The following CDH13 variants were observed in gnomAD, a reference collection of about 807,000 sequenced individuals.
CDH13 encodes cadherin 13.
Under a neutral mutation model 63.8 loss-of-function variants are expected in CDH13, and 24 were observed. The observed-to-expected ratio is 0.38, with a 90% CI of 0.27 to 0.53. The LOEUF is 0.53. CDH13 is among the 20% of genes least tolerant of loss of function. CDH13 has a pLI of 0.85. For missense variants in CDH13, 1,049 were observed against 903.1 expected (o/e 1.16, Z -2.07); for synonymous variants, 503 against 355.3 (o/e 1.42, Z -4.67).
At chr16:83,294,484 CTA>C (rs961491039) in intron 5 of CDH13, among the ~76,000 whole-genome samples, 1 of 152,100 alleles carries the variant, frequency 6.6e-6, no homozygotes, top group African/African-American at 2.4e-5. Flanking sequence ...GGGAATGAGA[CTA>C]TGTGGTATTT....
intron 8 of CDH13, among the ~76,000 whole-genome samples, chr16:83,622,429 A>C (rs1378390216): frequency 6.6e-6 from 1 of 152,240 alleles, no homozygotes; most frequent in African/African-American, 2.4e-5. Context: ...TCGGACGAGA[A>C]AGTCAAAAAA....
chr16:82,904,604 A>G (rs1009578323), intron 2 of CDH13, among the ~76,000 whole-genome samples: 1 of 152,214 alleles, frequency 6.6e-6, no homozygotes, highest in Admixed American at 6.5e-5. Flanking sequence ...AAAGGGAGTG[A>G]TGTATGGAGA....
chr16:83,184,182 T>G (rs2038441204), intron 4 of CDH13, among the ~76,000 whole-genome samples: 1 of 151,634 alleles, frequency 6.6e-6, no homozygotes, highest in South Asian at 2.1e-4. Flanking sequence ...AATAGCTGTT[T>G]CCAAATCTGG....
intron 11 of CDH13, among the ~76,000 whole-genome samples, chr16:83,775,126 C>A (rs1217798225): frequency 6.6e-6 from 1 of 151,680 alleles, no homozygotes; most frequent in Non-Finnish European, 1.5e-5. Flanking sequence ...AATGCTTGCT[C>A]TAGAGAAGGA....
intron 2 of CDH13, among the ~76,000 whole-genome samples, chr16:82,871,012 C>G (rs1189522389): frequency 2.6e-5 from 4 of 152,194 alleles, no homozygotes; most frequent in Non-Finnish European, 4.4e-5. Context: ...ACTATTACTC[C>G]TAAGACTGTT....
At position 83,788,393 on chromosome 16, in the gene CDH13, A is replaced by T. The variant is rs573908417; in HGVS notation, c.2134+4921A>T. ...CAAAGCCCAGTGTTTGGTTATTTTT[A>T]TACAATATTTTTATAATAATACACA... On this transcript the variant is annotated intron_variant, in intron 13 of 13. Transcript: ENST00000567109. Among the ~76,000 whole-genome samples the T allele has an allele frequency of 2.6e-4, 40 of 152,146 alleles. No homozygotes were observed. The South Asian group carries it at 5.0e-3, about 19-fold the overall frequency.
At chr16:83,271,519 AC>A in intron 5 of CDH13, among the ~76,000 whole-genome samples, 1 of 145,718 alleles carries the variant, frequency 6.9e-6, no homozygotes, top group East Asian at 2.1e-4. Flanking sequence ...ACAAAACAAA[AC>A]AACAACAACA....
intron 2 of CDH13, among the ~76,000 whole-genome samples, chr16:82,975,020 C>T (rs964517215): frequency 1.3e-5 from 2 of 152,230 alleles, no homozygotes; most frequent in Admixed American, 1.3e-4. Flanking sequence ...CTGATAGCCG[C>T]ACATGAAGTC....
rs374279136 is a variant in CDH13 at position 83,190,458 on chromosome 16, A to G, written c.484-26887A>G. Among the ~76,000 whole-genome samples the G allele has an allele frequency of 2.6e-4, 40 of 152,172 alleles. 1 individual carries two copies. In the South Asian group the frequency reaches 8.1e-3, roughly 31 times the overall value. On this transcript the variant is annotated intron_variant, in intron 4 of 13. Coordinates refer to ENST00000567109, the MANE Select transcript of CDH13 (RefSeq NM_001257.5). ...TGCAGCACTGGGGACAGACCCTAGTATTTTTTCCAATTGTCCTTTATTTTC... is the reference window on the plus strand; with the variant it reads ...TGCAGCACTGGGGACAGACCCTAGTGTTTTTTCCAATTGTCCTTTATTTTC...
At chr16:83,210,379 A>T (rs796636920) in intron 4 of CDH13, among the ~76,000 whole-genome samples, 12 of 152,050 alleles carry the variant, frequency 7.9e-5, no homozygotes, top group African/African-American at 2.2e-4. Flanking sequence ...GCAAGTTTTC[A>T]TATGGGTACT....
intron 4 of CDH13, among the ~76,000 whole-genome samples, chr16:83,182,802 A>T (rs2038387335): frequency 6.6e-6 from 1 of 152,184 alleles, no homozygotes; most frequent in African/African-American, 2.4e-5. Context: ...TATAAAGTAA[A>T]ATGAGACTGA....
At chr16:82,810,992 C>T (rs1282809978) in intron 1 of CDH13, among the ~76,000 whole-genome samples, 1 of 152,098 alleles carries the variant, frequency 6.6e-6, no homozygotes, top group South Asian at 2.1e-4. Context: ...TCTGCTGAAG[C>T]CTGGGCAGTC....
chr16:83,719,657 C>T (rs527829155), intron 10 of CDH13, among the ~76,000 whole-genome samples: 38 of 152,284 alleles, frequency 2.5e-4, no homozygotes, highest in African/African-American at 4.3e-4. Context: ...CCCACGGTGA[C>T]GCTAGGAGGT....
chr16:83,611,350 T>C (rs191424532), intron 8 of CDH13, among the ~76,000 whole-genome samples: 15 of 152,226 alleles, frequency 9.9e-5, no homozygotes, highest in South Asian at 6.2e-4. Context: ...TTTAATTTCA[T>C]TGATGGATAT....
intron 7 of CDH13, among the ~76,000 whole-genome samples, chr16:83,556,781 C>T (rs35555928): frequency 0.3 from 45,090 of 152,146 alleles, 7,644 homozygotes; most frequent in East Asian, 0.41. Context: ...GGGCACCCCA[C>T]ACTTCACGCC....
chr16:83,321,743 T>C (rs2090231576), intron 5 of CDH13, among the ~76,000 whole-genome samples: 1 of 152,070 alleles, frequency 6.6e-6, no homozygotes, highest in South Asian at 2.1e-4. Context: ...TTAGCCAGGA[T>C]GGTCTCGATC....
chr16:83,440,863 G>C (rs916890726), intron 6 of CDH13, among the ~76,000 whole-genome samples: 1 of 150,792 alleles, frequency 6.6e-6, no homozygotes, highest in South Asian at 2.1e-4. Flanking sequence ...TTTCTTAATT[G>C]TCCACTTGGA....
intron 3 of CDH13, among the ~76,000 whole-genome samples, chr16:83,091,935 A>G (rs1235497892): frequency 6.6e-6 from 1 of 152,236 alleles, no homozygotes; most frequent in Non-Finnish European, 1.5e-5. Context: ...GTGTGCCTAT[A>G]AATATAATTT....
At chr16:83,341,935 A>G (rs2090731514) in intron 5 of CDH13, among the ~76,000 whole-genome samples, 1 of 151,730 alleles carries the variant, frequency 6.6e-6, no homozygotes, top group African/African-American at 2.4e-5. Flanking sequence ...CAGCTGAAAC[A>G]TTCCCTCAGC....
Sources: gnomAD v4.1 joint callset for allele counts (sites outside exome capture counted in the v4.1 genomes callset) on GRCh38, gnomAD v4.1.1 for gene constraint, MANE v1.5 for transcripts, NCBI Gene and HGNC (gene_info 2026-07-23, HGNC 2026-07-21) for gene names.